Variants in CCNE2 observed in about 807,000 individuals in gnomAD.
CCNE2 encodes the protein cyclin E2.
A neutral mutation model predicts 56.8 loss-of-function variants in CCNE2; 18 were observed. The observed-to-expected ratio is 0.32, with a 90% CI of 0.22 to 0.47. CCNE2 has a LOEUF of 0.47. Among genes scored for constraint, CCNE2 ranks in the 20% least tolerant of loss-of-function variants. The pLI is 1.00. For missense variants in CCNE2, 371 were observed against 467.1 expected, an observed-to-expected ratio of 0.79 and a Z score of 1.90; for synonymous variants, 139 against 149.2, an observed-to-expected ratio of 0.93 and a Z score of 0.50.
upstream of CCNE2, chr8:94,895,345 G>A: frequency 1.3e-6 from 1 of 755,250 alleles, no homozygotes; most frequent in Non-Finnish European, 1.6e-6. Flanking sequence ...TGCTCTCAGT[G>A]CGCGCCCGCC....
At chr8:94,884,730 CA>C (rs1816969435) in intron 9 of CCNE2, 1 of 168,852 alleles carries the variant, frequency 5.9e-6, no homozygotes, top group African/African-American at 2.4e-5. Context: ...TCTGTGTATC[CA>C]AATGTAAAGA....
intron 7 of CCNE2, among the ~76,000 whole-genome samples, chr8:94,887,588 G>A (rs1003648739): frequency 6.6e-6 from 1 of 152,110 alleles, no homozygotes; most frequent in Admixed American, 6.5e-5. Context: ...TAGCTGTTTA[G>A]TTTTCAAAGG....
chr8:94,895,286 C>G, upstream of CCNE2: 1 of 982,120 alleles, frequency 1.0e-6, no homozygotes, highest in South Asian at 4.7e-5. Context: ...CTCCGGACAG[C>G]GCGCTCCCCT....
At chr8:94,893,330 T>TTTC (rs1474707821) in intron 4 of CCNE2, among the ~76,000 whole-genome samples, 1 of 152,090 alleles carries the variant, frequency 6.6e-6, no homozygotes, top group Non-Finnish European at 1.5e-5. Context: ...TTTTTTTTTT[T>TTTC]TTCAAATAAG....
chr8:94,895,002 C>T (rs73271178), intron 1 of CCNE2, among the ~76,000 whole-genome samples, 175 bp downstream of exon 1: 25,544 of 152,152 alleles, frequency 0.17, 2,229 homozygotes, highest in Middle Eastern at 0.27. Context: ...CCAGCCGCTT[C>T]CCGGTCCCCT....
At chr8:94,888,147 C>G in intron 6 of CCNE2, 74 bp from the exon 7 acceptor site, 2 of 1,092,110 alleles carry the variant, frequency 1.8e-6, no homozygotes, top group East Asian at 2.7e-5. Context: ...CTTAGCATAT[C>G]AGACTTTAAA....
At chr8:94,881,848 T>G in intron 11 of CCNE2, 103 bp from the exon 12 acceptor site, 2 of 1,405,528 alleles carry the variant, frequency 1.4e-6, no homozygotes, top group Non-Finnish European at 1.9e-6. Context: ...AATAGTCTTT[T>G]TATGTCTTTG....
chr8:94,887,483 C>A (rs1172358170), intron 7 of CCNE2, among the ~76,000 whole-genome samples: 2 of 150,732 alleles, frequency 1.3e-5, no homozygotes, highest in African/African-American at 4.9e-5. Context: ...CCAGCCTGGG[C>A]AAAAGAGTGA....
At position 94,894,197 on chromosome 8, in the gene CCNE2, G is replaced by T; in HGVS notation, c.14+11C>A. ...TAATTTGAAACATGTCTCTAAGACA[G>T]ATAATGTTACCTTCGTCTTGACATT... is the stretch of plus-strand genomic sequence containing the variant. On this transcript the variant is annotated intron_variant, in intron 2 of 11. Coordinates refer to ENST00000308108, the MANE Select transcript of CCNE2 (RefSeq NM_057749.3). The T allele has an allele frequency of 6.2e-7, 1 of 1,614,110 alleles. No individual in the cohort carries two copies. Among genetic ancestry groups the T allele is most frequent in the Non-Finnish European group, 8.5e-7 (1 of 1,179,934 alleles).
Position 94,880,984 on chromosome 8 carries a change from C to T in CCNE2, c.*648G>A, listed in dbSNP as rs1280990872. 3 of 398,584 alleles carry T rather than the reference C, an allele frequency of 7.5e-6. No individual in the cohort carries two copies. The highest frequency in any genetic ancestry group is 1.3e-5 in the Non-Finnish European group (3 of 225,874). 24.7% of individuals were successfully genotyped at this position (398,584 alleles called of 1,614,324 possible). On this transcript the variant is annotated 3_prime_UTR_variant, in exon 12 of 12. Transcript: ENST00000308108. ...CCCACTGTTTAGAGCACAGGTTGAA[C>T]ACCATGTTCATCTAAGCCTTATTAG...
intron 11 of CCNE2, 147 bp downstream of exon 11, chr8:94,881,985 T>C: frequency 1.1e-6 from 1 of 909,884 alleles, no homozygotes; most frequent in Non-Finnish European, 1.6e-6. Context: ...AGTAATTTTA[T>C]TAACTTTTCT....
At chr8:94,887,234 G>A (rs1370394927) in intron 7 of CCNE2, among the ~76,000 whole-genome samples, 4 of 152,284 alleles carry the variant, frequency 2.6e-5, no homozygotes, top group East Asian at 3.9e-4. Context: ...GGCCGGGTGC[G>A]GTGGCTCATG....
At chr8:94,894,319 T>C (rs1248006986) in intron 1 of CCNE2, 72 bp from the exon 2 acceptor site, 1 of 1,518,982 alleles carries the variant, frequency 6.6e-7, no homozygotes, top group African/African-American at 1.4e-5. Flanking sequence ...AGTAAGACGC[T>C]GATTCGCAGG....
intron 5 of CCNE2, chr8:94,891,812 G>A: frequency 2.0e-6 from 3 of 1,537,322 alleles, no homozygotes; most frequent in Non-Finnish European, 2.7e-6. Flanking sequence ...CCCAAAAAGA[G>A]TGCTGAATTT....
intron 6 of CCNE2, 134 bp from the exon 7 acceptor site, chr8:94,888,207 A>G (rs1266410365): frequency 1.8e-6 from 1 of 554,976 alleles, no homozygotes; most frequent in Non-Finnish European, 3.1e-6. Context: ...AAGGAAAAAA[A>G]GAAACTAAGA....
intron 4 of CCNE2, chr8:94,893,663 G>A (rs1436353380): frequency 5.4e-6 from 3 of 557,792 alleles, no homozygotes; most frequent in Non-Finnish European, 9.5e-6. Context: ...CAAGAGGGAG[G>A]GATTTACAAA....
rs186135370 is a variant in CCNE2, at chr8:94,887,461, C to T, written c.600+466G>A. ...CGGAGGTTGCAGAGAGCCAAGATCG[C>T]GCCATTGCACTCCAGCCTGGGCAAA... On this transcript the variant is annotated intron_variant, in intron 7 of 11. Transcript: ENST00000308108. 8.5e-5 allele frequency among the ~76,000 whole-genome samples: 13 copies of T among 152,058 alleles called. No individual in the cohort carries two copies. In the East Asian group the frequency reaches 1.4e-3, roughly 16 times the overall value.
upstream of CCNE2, chr8:94,895,308 C>T (rs1248675918): frequency 1.5e-5 from 14 of 964,500 alleles, no homozygotes; most frequent in Non-Finnish European, 1.7e-5. Flanking sequence ...TCCCGCCCGT[C>T]CGCCCGCGTG....
At chr8:94,885,013 C>T (rs910431617) in intron 9 of CCNE2, 54 bp downstream of exon 9, 41 of 1,522,336 alleles carry the variant, frequency 2.7e-5, no homozygotes, top group Admixed American at 3.5e-5. Context: ...ACTATATATA[C>T]ACTAAAACCT....
Sources: gnomAD v4.1 joint callset for allele counts (sites outside exome capture counted in the v4.1 genomes callset) on GRCh38, gnomAD v4.1.1 for gene constraint, MANE v1.5 for transcripts, NCBI Gene and HGNC (gene_info 2026-07-23, HGNC 2026-07-21) for gene names.